The following IL31RA variants were observed in gnomAD, a reference collection of about 807,000 sequenced individuals.
IL31RA encodes interleukin 31 receptor A, also known as interleukin-31 receptor subunit alpha.
A neutral mutation model predicts 83.7 loss-of-function variants in IL31RA; 66 were observed. The observed-to-expected ratio is 0.79, with a 90% confidence interval of 0.65 to 0.97. IL31RA has a LOEUF of 0.97. Ranked by LOEUF, IL31RA falls within the 50% of genes least tolerant of loss-of-function variation. The pLI is 0.00. For synonymous variants in IL31RA, 325 were observed against 329.0 expected (o/e 0.99, Z 0.13); for missense variants, 798 against 919.4 (o/e 0.87, Z 1.71).
chr5:55,907,267 T>G, intron 9 of IL31RA, 92 bp from the exon 10 acceptor site: 1 of 763,804 alleles, frequency 1.3e-6, no homozygotes, highest in South Asian at 1.5e-5. Flanking sequence ...ATGGAATATC[T>G]TCTATAAGTG....
chr5:55,896,867 A>G (rs1026379436), intron 7 of IL31RA, among the ~76,000 whole-genome samples: 61 of 84,646 alleles, frequency 7.2e-4, no homozygotes, highest in Non-Finnish European at 9.9e-4. Context: ...CCCAGGCTGG[A>G]GTGCAGTAGT....
chr5:55,886,270 T>C (rs1029683139), intron 5 of IL31RA, among the ~76,000 whole-genome samples: 1 of 36,880 alleles, frequency 2.7e-5, no homozygotes, highest in African/African-American at 1.5e-4. Context: ...CTTGCTTGCT[T>C]TTTTTTTTTT....
At chr5:55,866,742 G>C (rs1746074003) in intron 2 of IL31RA, 1 of 152,236 alleles carries the variant, frequency 6.6e-6, no homozygotes, top group Non-Finnish European at 1.5e-5. Context: ...TGGTGCATGG[G>C]ACCCATCCGC....
In IL31RA at chr5:55,867,085, T is replaced by TTGTG. The variant is rs758628114; in HGVS notation, c.155-1696_155-1693dup. On this transcript the variant is annotated intron_variant, in intron 2 of 14. Coordinates refer to ENST00000652347, the MANE Select transcript of IL31RA (RefSeq NM_139017.7). ...TTAGTTCTTAGTTGTGCATGTGTGT[T>TTGTG]TGTGTGTGTGTGTTTGTGTGTGTGT... 4.2e-3 allele frequency among the ~76,000 whole-genome samples: 368 copies of TTGTG among 87,728 alleles called. 38 individuals carry two copies. Among genetic ancestry groups the TTGTG allele is most frequent in the African/African-American group, 9.2e-3 (265 of 28,814 alleles). The allele number at this position is 87,728 out of a possible 152,430, so 57.6% of individuals were successfully genotyped here. A position where few individuals can be genotyped will look rare whatever the true frequency, so the allele number is the denominator to read the frequency against.
chr5:55,897,263 CT>C (rs2112508909), intron 7 of IL31RA, among the ~76,000 whole-genome samples: 1 of 151,128 alleles, frequency 6.6e-6, no homozygotes, highest in South Asian at 2.1e-4. Context: ...TGCCCCAAAT[CT>C]CACATTGGTT....
In IL31RA at chr5:55,883,137, C is replaced by T; in HGVS notation, c.548C>T (p.Pro183Leu). Residue 183 changes from proline (P) to leucine (L), a missense_variant, in exon 5 of 15, where the codon CCT becomes CTT. Transcript: ENST00000652347. Reference sequence around the variant, plus strand: ...GAATGGATAAAGCCTGAGTTGGCGCCTGTTTCATCTGATTTAAAATACACA... The same window carrying T: ...GAATGGATAAAGCCTGAGTTGGCGCTTGTTTCATCTGATTTAAAATACACA... ...QIEWIKPELA[P>L]VSSDLKYTLR... The T allele has an allele frequency of 6.2e-7, 1 of 1,614,022 alleles. No homozygotes were observed. Among genetic ancestry groups the T allele is most frequent in the African/African-American group, 1.3e-5 (1 of 75,030 alleles).
upstream of IL31RA, chr5:55,851,277 A>G (rs908169151): frequency 8.2e-5 from 40 of 485,878 alleles, no homozygotes; most frequent in Non-Finnish European, 1.4e-4. Context: ...ATTCATCAAC[A>G]TTGAACTCAT....
intron 4 of IL31RA, among the ~76,000 whole-genome samples, chr5:55,877,557 T>C (rs974362298): frequency 1.3e-5 from 2 of 152,240 alleles, no homozygotes; most frequent in Non-Finnish European, 2.9e-5. Context: ...CAACTTTTAT[T>C]TATTTTGGAA....
the IL31RA span, among the ~76,000 whole-genome samples, chr5:55,843,170 T>C: frequency 1.3e-5 from 2 of 152,164 alleles, no homozygotes; most frequent in Non-Finnish European, 2.9e-5. Flanking sequence ...CAGTACCAAA[T>C]TAGGTTTGAA....
chr5:55,885,030 C>T (rs1353937899), intron 5 of IL31RA, among the ~76,000 whole-genome samples: 4 of 152,194 alleles, frequency 2.6e-5, no homozygotes, highest in African/African-American at 4.8e-5. Context: ...ATGGTGACTA[C>T]ATCAGAGCCC....
chr5:55,857,030 C>T (rs767737408), intron 1 of IL31RA, among the ~76,000 whole-genome samples: 74 of 152,132 alleles, frequency 4.9e-4, no homozygotes, highest in Non-Finnish European at 9.7e-4. Flanking sequence ...CCACAGATAA[C>T]CAGGATCACC....
chr5:55,848,411 A>G (rs568418339), upstream of IL31RA, among the ~76,000 whole-genome samples: 1 of 152,310 alleles, frequency 6.6e-6, no homozygotes, highest in African/African-American at 2.4e-5. Flanking sequence ...TTTGGCTGGA[A>G]GTTCTTTCAG....
At chr5:55,841,286 A>G in the IL31RA span, among the ~76,000 whole-genome samples, 33 of 152,204 alleles carry the variant, frequency 2.2e-4, no homozygotes, top group African/African-American at 7.5e-4. Flanking sequence ...TTCTCAATCA[A>G]TTTACACTTT....
intron 8 of IL31RA, among the ~76,000 whole-genome samples, chr5:55,905,306 G>A (rs1319554449): frequency 6.6e-6 from 1 of 152,160 alleles, no homozygotes; most frequent in East Asian, 1.9e-4. Flanking sequence ...AGGATTGGGT[G>A]AGGGGAGAGC....
chr5:55,868,862 C>T lies in IL31RA; in HGVS notation c.226C>T (p.Pro76Ser), dbSNP rs530684072. ...GAAAAATTTAACCTGCACTTGGAGT[C>T]CAGGAAAGGAAACCAGTTATACCCA... ...YRKNLTCTWS[P>S]GKETSYTQYT... Residue 76 changes from proline (P) to serine (S), a missense_variant, in exon 3 of 15, where the codon CCA becomes TCA. Pro to Ser is a moderately conservative substitution (Grantham distance 74, BLOSUM62 -1). Coordinates refer to ENST00000652347, the MANE Select transcript of IL31RA (RefSeq NM_139017.7). 3 of 1,607,566 alleles carry T rather than the reference C, an allele frequency of 1.9e-6. No individual in the cohort carries two copies. In the African/African-American group the frequency reaches 4.0e-5, roughly 21 times the overall value.
At chr5:55,884,530 G>A (rs574508728) in intron 5 of IL31RA, among the ~76,000 whole-genome samples, 1 of 152,246 alleles carries the variant, frequency 6.6e-6, no homozygotes, top group African/African-American at 2.4e-5. Context: ...GAACTCTTGG[G>A]CTCAAACGAT....
intron 6 of IL31RA, among the ~76,000 whole-genome samples, chr5:55,894,888 T>G (rs1748237252): frequency 6.6e-6 from 1 of 152,254 alleles, no homozygotes; most frequent in East Asian, 1.9e-4. Context: ...AGCTAATTTT[T>G]TATATGTTTT....
chr5:55,922,277 G>C lies in IL31RA; in HGVS notation c.*5157G>C. 1.3e-6 allele frequency: 1 copy of C among 793,240 alleles called. No individual in the cohort carries two copies. Among genetic ancestry groups the C allele is most frequent in the Non-Finnish European group, 2.2e-6 (1 of 456,784 alleles). The allele number at this position is 793,240 out of a possible 1,614,324, so 49.1% of individuals were successfully genotyped here. ...GTCGTGTGCTGATGAAAAGGGCTGG[G>C]GAGAAGCAAGGGGCAGGGGAGGGGC... is the stretch of plus-strand genomic sequence containing the variant. On this transcript the variant is annotated 3_prime_UTR_variant, in exon 15 of 15. Coordinates refer to ENST00000652347, the MANE Select transcript of IL31RA (RefSeq NM_139017.7).
intron 2 of IL31RA, among the ~76,000 whole-genome samples, chr5:55,867,246 TGTGTGTGC>T (rs1198524461): frequency 2.8e-5 from 2 of 70,254 alleles, no homozygotes; most frequent in Admixed American, 3.5e-4. Context: ...TGTGTGTGTT[TGTGTGTGC>T]GTGTGTTTGT....
Sources: gnomAD v4.1 joint callset for allele counts (sites outside exome capture counted in the v4.1 genomes callset) on GRCh38, gnomAD v4.1.1 for gene constraint, MANE v1.5 for transcripts, NCBI Gene and HGNC (gene_info 2026-07-23, HGNC 2026-07-21) for gene names.